PCDHGA6: variants seen among roughly 807,000 people sequenced by gnomAD.
PCDHGA6 encodes the protein protocadherin gamma subfamily A, 6, also known as protocadherin gamma-A6.
In PCDHGA6, 41 loss-of-function variants were observed where a neutral mutation model predicts 60.6. The observed-to-expected ratio is 0.68, with a 90% CI of 0.53 to 0.88. The LOEUF (loss-of-function observed/expected upper bound fraction) is 0.88. PCDHGA6 is among the 40% of genes least tolerant of loss of function. The pLI, the probability that PCDHGA6 is intolerant of heterozygous loss-of-function variation, is 0.00. For synonymous variants in PCDHGA6, 594 were observed against 524.4 expected (o/e 1.13, Z -1.81); for missense variants, 1,312 against 1,203.0 (o/e 1.09, Z -1.34).
At chr5:141,451,198 C>T (rs1415589731) in intron 1 of PCDHGA6, among the ~76,000 whole-genome samples, 1 of 152,114 alleles carries the variant, frequency 6.6e-6, no homozygotes, top group Non-Finnish European at 1.5e-5. Context: ...AACAAATTAT[C>T]CCAAAACTTA....
intron 2 of PCDHGA6, among the ~76,000 whole-genome samples, chr5:141,501,847 C>T (rs976699397): frequency 1.3e-5 from 2 of 152,140 alleles, no homozygotes; most frequent in Admixed American, 6.5e-5. Context: ...GGCCCTCAAC[C>T]TTCAACCATT....
At chr5:141,450,006 C>CTTTTTTT (rs1554136305) in intron 1 of PCDHGA6, among the ~76,000 whole-genome samples, 1 of 132,982 alleles carries the variant, frequency 7.5e-6, no homozygotes, top group Admixed American at 7.8e-5. Context: ...TGCCATGTCT[C>CTTTTTTT]TTTTTTTTTT....
intron 1 of PCDHGA6, chr5:141,392,908 G>T: frequency 1.2e-6 from 2 of 1,613,852 alleles, no homozygotes; most frequent in African/African-American, 1.3e-5. Context: ...GGACAGATTC[G>T]CTACTCTGTG....
intron 1 of PCDHGA6, among the ~76,000 whole-genome samples, chr5:141,473,736 G>A (rs1278322296): frequency 1.3e-5 from 2 of 152,202 alleles, no homozygotes; most frequent in Non-Finnish European, 2.9e-5. Flanking sequence ...AGAGGGAGAA[G>A]ACATGAGAAC....
intron 3 of PCDHGA6, among the ~76,000 whole-genome samples, chr5:141,510,272 T>TA (rs546154379): frequency 0.17 from 22,022 of 130,294 alleles, 2,255 homozygotes; most frequent in African/African-American, 0.28. Flanking sequence ...GACTCCATCT[T>TA]AAAAAAAAAA....
intron 2 of PCDHGA6, among the ~76,000 whole-genome samples, chr5:141,495,811 G>A (rs1164360438): frequency 1.3e-5 from 2 of 151,710 alleles, no homozygotes; most frequent in Admixed American, 1.3e-4. Flanking sequence ...GTTTCCTAGC[G>A]CCTTGTGTTC....
chr5:141,464,180 G>T (rs1251683320), intron 1 of PCDHGA6, among the ~76,000 whole-genome samples: 1 of 151,340 alleles, frequency 6.6e-6, no homozygotes, highest in Non-Finnish European at 1.5e-5. Flanking sequence ...CAGGAGAATT[G>T]CTTGATTTCA....
Position 141,375,092 on chromosome 5 carries a change from A to G in PCDHGA6, c.1009A>G (p.Ile337Val), listed in dbSNP as rs775722663. The change falls in exon 1 of 4, where the codon ATC becomes GTC. Residue 337 changes from isoleucine (I) to valine (V), a missense_variant. Ile to Val is a conservative substitution (Grantham distance 29). Coordinates refer to ENST00000517434, the MANE Select transcript of PCDHGA6 (RefSeq NM_018919.3). ...AGACAGAGCGAAAGTCTTAATAACT[A>G]TCTTGGATGTCAATGATAATGTACC... ...LRDRAKVLIT[I>V]LDVNDNVPEV... 20 of 1,613,866 alleles carry G rather than the reference A, an allele frequency of 1.2e-5. No individual in the cohort carries two copies. In the Middle Eastern group the frequency reaches 6.6e-4, roughly 53 times the overall value.
chr5:141,447,658 A>C (rs114314834), intron 1 of PCDHGA6, among the ~76,000 whole-genome samples: 3,576 of 152,302 alleles, frequency 0.023, 90 homozygotes, highest in Non-Finnish European at 0.03. Context: ...TTTCCCCCCC[A>C]GGAAGTTAGA....
At position 141,486,190 on chromosome 5, in the gene PCDHGA6, T is replaced by A; in HGVS notation, c.2425-8617T>A. Reference sequence around the variant, plus strand: ...AGCAACATTGCAGCCTTCGAGTGGATCTGCTGGACGTAAATGACAATGCCC... The same window carrying A: ...AGCAACATTGCAGCCTTCGAGTGGAACTGCTGGACGTAAATGACAATGCCC... On this transcript the variant is annotated intron_variant, in intron 1 of 3. Transcript: ENST00000517434. The surrounding 1 kb of genome is among the most constrained non-coding windows in gnomAD (Gnocchi z 5.0). 1 of 1,614,122 alleles carries A rather than the reference T, an allele frequency of 6.2e-7. No individual in the cohort carries two copies. Among genetic ancestry groups the A allele is most frequent in the South Asian group, 1.1e-5 (1 of 91,070 alleles).
At chr5:141,393,115 G>A (rs1342924521) in intron 1 of PCDHGA6, 1 of 1,613,438 alleles carries the variant, frequency 6.2e-7, no homozygotes. Context: ...CAGAGCCCGC[G>A]GTGTCTGATA....
chr5:141,450,006 C>CT lies in PCDHGA6; in HGVS notation c.2425-44783dup, dbSNP rs1554136305. ...CACATTGCATTTAGTTGCCATGTCT[C>CT]TTTTTTTTTTTTTTTTTTGAGACAG... On this transcript the variant is annotated intron_variant, in intron 1 of 3. Coordinates refer to ENST00000517434, the MANE Select transcript of PCDHGA6 (RefSeq NM_018919.3). Among the ~76,000 whole-genome samples the CT allele has an allele frequency of 9.8e-3, 1,304 of 132,922 alleles. 21 individuals are homozygous for CT. Among genetic ancestry groups the CT allele is most frequent in the Non-Finnish European group, 0.015 (957 of 62,878 alleles). 87.2% of individuals were successfully genotyped at this position (132,922 alleles called of 152,430 possible).
chr5:141,398,125 G>C (rs1353004584), intron 1 of PCDHGA6: 1 of 1,586,808 alleles, frequency 6.3e-7, no homozygotes. Flanking sequence ...GAGAGCAAGA[G>C]GGATGGGGAG....
chr5:141,454,503 T>A (rs988138847), intron 1 of PCDHGA6, among the ~76,000 whole-genome samples: 1 of 152,308 alleles, frequency 6.6e-6, no homozygotes, highest in Non-Finnish European at 1.5e-5. Flanking sequence ...ACCTCCTGGA[T>A]TCAGGCAGTT....
rs1051300319 is a variant in PCDHGA6 at position 141,491,957 on chromosome 5, A to T, written c.2425-2850A>T. ...GACCGACCCCCACCCCTACACTCAA[A>T]AAAGGCCGGGGCCTCCTTCGAGCTT... is the stretch of plus-strand genomic sequence containing the variant. On this transcript the variant is annotated intron_variant, in intron 1 of 3. Coordinates refer to ENST00000517434, the MANE Select transcript of PCDHGA6 (RefSeq NM_018919.3). The surrounding 1 kb of genome is among the most constrained non-coding windows in gnomAD (Gnocchi z 6.9). 3.6e-5 allele frequency: 37 copies of T among 1,020,096 alleles called. No individual in the cohort carries two copies. The highest frequency in any genetic ancestry group is 5.0e-5 in the Non-Finnish European group (37 of 736,248). The allele number at this position is 1,020,096 out of a possible 1,614,324, so 63.2% of individuals were successfully genotyped here.
chr5:141,509,435 T>C (rs547082417), intron 3 of PCDHGA6, among the ~76,000 whole-genome samples: 1 of 152,214 alleles, frequency 6.6e-6, no homozygotes, highest in South Asian at 2.1e-4. Context: ...AAACTCTTGT[T>C]TCCTCCTCTC....
intron 1 of PCDHGA6, chr5:141,415,512 T>G (rs997659180): frequency 3.1e-6 from 5 of 1,614,234 alleles, no homozygotes; most frequent in Non-Finnish European, 4.2e-6. Context: ...AGCCCAATTA[T>G]GCGGACACGC....
At chr5:141,381,866 G>A (rs1166624603) in intron 1 of PCDHGA6, among the ~76,000 whole-genome samples, 3 of 53,342 alleles carry the variant, frequency 5.6e-5, no homozygotes, top group Non-Finnish European at 6.8e-5. Flanking sequence ...TTTTGCTCTT[G>A]TTGTCCAGGC....
At chr5:141,398,282 C>T in intron 1 of PCDHGA6, 2 of 1,401,814 alleles carry the variant, frequency 1.4e-6, no homozygotes, top group South Asian at 2.6e-5. Context: ...AACCTCGCCA[C>T]GGACCTGGGG....
Sources: gnomAD v4.1 joint callset for allele counts (sites outside exome capture counted in the v4.1 genomes callset) on GRCh38, gnomAD v4.1.1 for gene constraint, Gnocchi (gnomAD v3.1) non-coding constraint, MANE v1.5 for transcripts, NCBI Gene and HGNC (gene_info 2026-07-23, HGNC 2026-07-21) for gene names.